MMP10: variants seen among roughly 807,000 people sequenced by gnomAD.
MMP10 encodes stromelysin-2.
MMP10 carries 50 observed loss-of-function variants against 49.1 expected under a neutral mutation model. The observed-to-expected ratio is 1.02, with a 90% CI of 0.81 to 1.29. MMP10 has a LOEUF of 1.29. Ranked by LOEUF, MMP10 falls within the 50% of genes most tolerant of loss-of-function variation. The pLI is 0.00. For missense variants in MMP10, 613 were observed against 563.8 expected, an observed-to-expected ratio of 1.09 and a Z score of -0.88; for synonymous variants, 229 against 201.6, an observed-to-expected ratio of 1.14 and a Z score of -1.15.
chr11:102,775,442 C>T (rs1225237519), intron 6 of MMP10, 121 bp from the exon 7 acceptor site: 2 of 693,440 alleles, frequency 2.9e-6, no homozygotes, highest in Non-Finnish European at 4.5e-6. Flanking sequence ...AACCATCCTC[C>T]TGCATGTGAT....
chr11:102,779,138 C>T (rs1857786669), intron 3 of MMP10, 75 bp downstream of exon 3: 1 of 1,550,074 alleles, frequency 6.5e-7, no homozygotes, highest in South Asian at 1.2e-5. Context: ...TTATAAATTA[C>T]CCAGTCTAAG....
At chr11:102,776,152 A>G (rs1020114440) in intron 6 of MMP10, 128 bp downstream of exon 6, 15 of 753,550 alleles carry the variant, frequency 2.0e-5, no homozygotes, top group Non-Finnish European at 2.7e-5. Context: ...GAGTTTATCT[A>G]TATAACAAAC....
intron 3 of MMP10, 78 bp downstream of exon 3, chr11:102,779,134 AT>A: frequency 6.5e-7 from 1 of 1,545,956 alleles, no homozygotes; most frequent in East Asian, 2.3e-5. Context: ...TTGTTTATAA[AT>A]TACCCAGTCT....
intron 7 of MMP10, 118 bp from the exon 8 acceptor site, chr11:102,773,124 A>G (rs1055249544): frequency 3.5e-6 from 3 of 857,636 alleles, no homozygotes; most frequent in Non-Finnish European, 5.2e-6. Context: ...AATAATGTCC[A>G]GTTCACAGCC....
At chr11:102,776,230 G>GTGCTTA in intron 6 of MMP10, 50 bp downstream of exon 6, 1 of 1,524,458 alleles carries the variant, frequency 6.6e-7, no homozygotes, top group Non-Finnish European at 8.9e-7. Flanking sequence ...TTCTTTCTAA[G>GTGCTTA]CACTGTACAT....
At chr11:102,779,967 A>G (rs1208928759) in intron 1 of MMP10, among the ~76,000 whole-genome samples, 1 of 152,202 alleles carries the variant, frequency 6.6e-6, no homozygotes, top group Non-Finnish European at 1.5e-5. Flanking sequence ...ATTCAAGTCT[A>G]GCATTATTTT....
rs1338156020 is a variant in MMP10, at chr11:102,772,029, G to A, written c.1313C>T (p.Ala438Val). The change falls in exon 9 of 10, where the codon GCT becomes GTT. Residue 438 changes from alanine (A) to valine (V), a missense_variant. Transcript: ENST00000279441. The surrounding 1 kb of genome is among the most constrained non-coding windows in gnomAD (Gnocchi z 4.4). ...DFPGVEPKVD[A>V]VLQAFGFFYF... is the part of the protein sequence containing the mutation. ...CTTCTTACCAAATGCCTGTAATACA[G>A]CATCAACCTTAGGCTCAACTCCTGG... 1 of 1,609,632 alleles carries A rather than the reference G, an allele frequency of 6.2e-7. No homozygotes were observed. The highest frequency in any genetic ancestry group is 8.5e-7 in the Non-Finnish European group (1 of 1,176,140).
At chr11:102,778,861 C>T in intron 3 of MMP10, 112 bp from the exon 4 acceptor site, 2 of 1,315,218 alleles carry the variant, frequency 1.5e-6, no homozygotes, top group Non-Finnish European at 2.1e-6. Flanking sequence ...GCTGCAAATT[C>T]ATATGTTGAA....
In MMP10 at chr11:102,776,754, A is replaced by T. The variant is rs768191066; in HGVS notation, c.645T>A (p.Ala215=). The change falls in exon 5 of 10, where the codon GCT becomes GCA. Residue 215 remains alanine (A), a synonymous_variant. Coordinates refer to ENST00000279441, the MANE Select transcript of MMP10 (RefSeq NM_002425.3). Reference sequence around the variant, plus strand: ...CCAGGGAGTGGCCAAGTTCATGAGCAGCAACGAGGAATAAATTGGTGCCTG... The same window carrying T: ...CCAGGGAGTGGCCAAGTTCATGAGCTGCAACGAGGAATAAATTGGTGCCTG... ...DASGTNLFLV[A]AHELGHSLGL... 22 of 1,613,796 alleles carry T rather than the reference A, an allele frequency of 1.4e-5. No individual in the cohort carries two copies. The highest frequency in any genetic ancestry group is 1.9e-5 in the Non-Finnish European group (22 of 1,179,902).
intron 9 of MMP10, among the ~76,000 whole-genome samples, chr11:102,771,454 A>G (rs1019528387): frequency 2.6e-5 from 4 of 152,230 alleles, no homozygotes; most frequent in Non-Finnish European, 5.9e-5. Context: ...AGCTCCCTCC[A>G]AAATTCCTTC....
rs776087307 is a variant in MMP10, at chr11:102,776,628, G to A, written c.771C>T (p.Gly257=). 1.4e-5 allele frequency: 23 copies of A among 1,613,118 alleles called. No homozygotes were observed. Among genetic ancestry groups the A allele is most frequent in the Non-Finnish European group, 1.9e-5 (23 of 1,179,768 alleles). Residue 257 remains glycine (G), a synonymous_variant, in exon 5 of 10, where the codon GGC becomes GGT. Transcript: ENST00000279441. ...ATCACTCACCGTAGAGAGACTGAATGCCATTCACATCATCTTGCGAAAGGC... is the reference window on the plus strand; with the variant it reads ...ATCACTCACCGTAGAGAGACTGAATACCATTCACATCATCTTGCGAAAGGC... ...QFRLSQDDVN[G]IQSLYGPPPA... is the part of the protein sequence containing the mutation.
chr11:102,779,918 T>C, intron 1 of MMP10, among the ~76,000 whole-genome samples, 173 bp from the exon 2 acceptor site: 1 of 152,220 alleles, frequency 6.6e-6, no homozygotes, highest in East Asian at 1.9e-4. Flanking sequence ...TTTATTGCAA[T>C]GTTAGTTTGC....
Position 102,776,778 on chromosome 11 carries a change from T to A in MMP10, c.623-2A>T, listed in dbSNP as rs957377649. Reference sequence around the variant, plus strand: ...CAGCAACGAGGAATAAATTGGTGCCTGTATGAAAATCATAAATGTTCAGAA... The same window carrying A: ...CAGCAACGAGGAATAAATTGGTGCCAGTATGAAAATCATAAATGTTCAGAA... On this transcript the variant is annotated splice_acceptor_variant, in intron 4 of 9. Transcript: ENST00000279441. LOFTEE classifies it high-confidence loss of function. 6.2e-7 allele frequency: 1 copy of A among 1,613,788 alleles called. No individual in the cohort carries two copies. The highest frequency in any genetic ancestry group is 1.1e-5 in the South Asian group (1 of 91,040).
intron 4 of MMP10, among the ~76,000 whole-genome samples, chr11:102,778,045 A>C (rs1477210714): frequency 6.6e-6 from 1 of 152,216 alleles, no homozygotes; most frequent in Non-Finnish European, 1.5e-5. Flanking sequence ...CCATTTTAAA[A>C]ATTAAATAGC....
intron 7 of MMP10, among the ~76,000 whole-genome samples, chr11:102,773,282 AT>A (rs1187145308): frequency 2.0e-5 from 3 of 152,154 alleles, no homozygotes; most frequent in South Asian, 2.1e-4. Context: ...GTTATTTCTT[AT>A]AATTGTTGGT....
In MMP10 at chr11:102,775,188, C is replaced by G. The variant is rs1004673186; in HGVS notation, c.1066G>C (p.Gly356Arg). The G allele has an allele frequency of 3.2e-6, 5 of 1,586,468 alleles. No individual in the cohort carries two copies. Among genetic ancestry groups the G allele is most frequent in the Non-Finnish European group, 4.3e-6 (5 of 1,167,386 alleles). The change falls in exon 7 of 10, where the codon GGA becomes CGA. Residue 356 changes from glycine (G) to arginine (R), a missense_variant and splice_region_variant. Transcript: ENST00000279441. ...GTTGAAATTCTTATATAGTACTCAC[C>G]TTTAAAAATAAAAACGGTGTCCCTG... ...NSRDTVFIFK[G>R]NEFWAIRGNE...
chr11:102,771,924 T>A, intron 9 of MMP10, 88 bp downstream of exon 9: 1 of 850,636 alleles, frequency 1.2e-6, no homozygotes, highest in Admixed American at 2.4e-5. Flanking sequence ...CTGAATGATT[T>A]AAAAACTGTT....
At position 102,779,283 on chromosome 11, in the gene MMP10, C is replaced by T. The variant is rs766201823; in HGVS notation, c.426G>A (p.Glu142=). 6.2e-7 allele frequency: 1 copy of T among 1,614,120 alleles called. No homozygotes were observed. The highest frequency in any genetic ancestry group is 1.7e-5 in the Admixed American group (1 of 60,008). ...GCCTGGAGAATGTGAGTGGAGTCAC[C>T]TCTTCCCAGACTTTCAGAGCTTTCT... is the stretch of plus-strand genomic sequence containing the variant. ...AIEKALKVWE[E]VTPLTFSRLY... The change falls in exon 3 of 10, where the codon GAG becomes GAA. Residue 142 remains glutamate, a synonymous_variant. Transcript: ENST00000279441.
intron 6 of MMP10, among the ~76,000 whole-genome samples, chr11:102,775,798 A>T (rs1487981028): frequency 6.6e-6 from 1 of 152,124 alleles, no homozygotes; most frequent in African/African-American, 2.4e-5. Context: ...TATATTAGTA[A>T]ATGGAAAGAT....
Sources: allele counts gnomAD v4.1 joint callset (sites outside exome capture counted in the v4.1 genomes callset), GRCh38; gene constraint gnomAD v4.1.1; non-coding constraint Gnocchi (gnomAD v3.1); transcripts MANE v1.5; gene names NCBI Gene and HGNC (gene_info 2026-07-23, HGNC 2026-07-21).